The following TRIM44 variants were observed in gnomAD, a reference collection of about 807,000 sequenced individuals.
TRIM44 encodes tripartite motif-containing protein 44.
In TRIM44, 13 loss-of-function variants were observed where a neutral mutation model predicts 37.4. The observed-to-expected ratio is 0.35, with a 90% CI of 0.23 to 0.55. The LOEUF (loss-of-function observed/expected upper bound fraction) is 0.55, where lower values mean the gene tolerates loss of function less well. Among genes scored for constraint, TRIM44 ranks in the 20% least tolerant of loss-of-function variants. TRIM44 has a pLI of 0.89. For synonymous variants in TRIM44, 175 were observed against 157.2 expected (o/e 1.11, Z -0.85); for missense variants, 426 against 437.2 (o/e 0.97, Z 0.23).
At position 35,774,610 on chromosome 11, in the gene TRIM44, G is replaced by A. The variant is rs1052517196; in HGVS notation, c.1008-31748G>A. On this transcript the variant is annotated intron_variant, in intron 4 of 4. Coordinates refer to ENST00000299413, the MANE Select transcript of TRIM44 (RefSeq NM_017583.6). ...GGTTTTTTGGTTTTAGGTCTAACAT[G>A]TAAGTCTTTAATCCATCTTGAATTA... Among the ~76,000 whole-genome samples, 3 of 152,104 alleles carry A rather than the reference G, an allele frequency of 2.0e-5. No homozygotes were observed. In the East Asian group the frequency reaches 5.8e-4, roughly 29 times the overall value.
At chr11:35,664,083 C>T (rs1456805592) in intron 1 of TRIM44, among the ~76,000 whole-genome samples, 1 of 152,062 alleles carries the variant, frequency 6.6e-6, no homozygotes, top group African/African-American at 2.4e-5. Flanking sequence ...CCCACTTAGG[C>T]CAATTTCCAC....
At position 35,768,912 on chromosome 11, in the gene TRIM44, G is replaced by A. The variant is rs143652572; in HGVS notation, c.1007+33467G>A. ...CTGGCCTAAAGATGCATTTTGTTTG[G>A]CTAATAAAATGGTGGTGTTTTTTAA... On this transcript the variant is annotated intron_variant, in intron 4 of 4. Coordinates refer to ENST00000299413, the MANE Select transcript of TRIM44 (RefSeq NM_017583.6). Among the ~76,000 whole-genome samples the A allele has an allele frequency of 1.1e-3, 171 of 152,280 alleles. 2 individuals are homozygous for A. In the East Asian group the frequency reaches 0.029, roughly 26 times the overall value.
At chr11:35,678,675 C>T (rs1027792829) in intron 1 of TRIM44, among the ~76,000 whole-genome samples, 5 of 150,334 alleles carry the variant, frequency 3.3e-5, no homozygotes, top group African/African-American at 1.2e-4. Flanking sequence ...GGCAGTTGAT[C>T]TCCGCCCACT....
intron 4 of TRIM44, among the ~76,000 whole-genome samples, chr11:35,801,965 C>T (rs1853377297): frequency 6.6e-6 from 1 of 151,756 alleles, no homozygotes; most frequent in Non-Finnish European, 1.5e-5. Flanking sequence ...TAAATCGTTG[C>T]TAAGGGTGTG....
At chr11:35,681,137 G>A (rs1487568956) in intron 1 of TRIM44, among the ~76,000 whole-genome samples, 2 of 152,148 alleles carry the variant, frequency 1.3e-5, no homozygotes, top group African/African-American at 4.8e-5. Flanking sequence ...TGTCCATTGT[G>A]AAGGAGAATA....
At chr11:35,685,429 G>A in intron 2 of TRIM44, 93 bp downstream of exon 2, 1 of 1,020,468 alleles carries the variant, frequency 9.8e-7, no homozygotes. Flanking sequence ...TCATCTCTCT[G>A]AATATTGCAT....
At chr11:35,740,119 A>C (rs868057864) in intron 4 of TRIM44, among the ~76,000 whole-genome samples, 91 of 140,430 alleles carry the variant, frequency 6.5e-4, no homozygotes, top group South Asian at 1.4e-3. Context: ...AAAAAAAAAA[A>C]GGTACCTTTG....
chr11:35,725,242 T>C (rs1412181766), intron 2 of TRIM44, among the ~76,000 whole-genome samples: 2 of 152,186 alleles, frequency 1.3e-5, no homozygotes, highest in Admixed American at 1.3e-4. Context: ...CTTAATTATC[T>C]ATATACATAT....
At chr11:35,735,403 G>T (rs1270892065) in intron 3 of TRIM44, 23 bp from the exon 4 acceptor site, 1 of 1,613,328 alleles carries the variant, frequency 6.2e-7, no homozygotes, top group Admixed American at 1.7e-5. Context: ...TTCTAATACT[G>T]TTTCTTTCTG....
At chr11:35,691,549 A>G (rs1324769928) in intron 2 of TRIM44, among the ~76,000 whole-genome samples, 1 of 152,230 alleles carries the variant, frequency 6.6e-6, no homozygotes, top group African/African-American at 2.4e-5. Context: ...TGTGCAGGAC[A>G]CTTACATTAG....
intron 4 of TRIM44, among the ~76,000 whole-genome samples, chr11:35,738,599 A>G (rs771108186): frequency 6.6e-6 from 1 of 152,162 alleles, no homozygotes; most frequent in Non-Finnish European, 1.5e-5. Context: ...ATTTGGCTCA[A>G]TTTATTCTGA....
chr11:35,717,154 C>A (rs1852048199), intron 2 of TRIM44, among the ~76,000 whole-genome samples: 1 of 152,026 alleles, frequency 6.6e-6, no homozygotes. Context: ...TAGGAGCCAT[C>A]CTTATGGAGG....
chr11:35,775,177 TC>T (rs1852938882), intron 4 of TRIM44, among the ~76,000 whole-genome samples: 1 of 152,202 alleles, frequency 6.6e-6, no homozygotes, highest in African/African-American at 2.4e-5. Context: ...CTTGAAGAGG[TC>T]CCTCACATCC....
intron 4 of TRIM44, among the ~76,000 whole-genome samples, chr11:35,800,239 T>TA (rs977304906): frequency 1.3e-5 from 2 of 152,158 alleles, no homozygotes; most frequent in Non-Finnish European, 2.9e-5. Context: ...CGGCGAGTGT[T>TA]ACAGCTCTTA....
intron 4 of TRIM44, among the ~76,000 whole-genome samples, chr11:35,778,331 A>G (rs1415357531): frequency 6.6e-6 from 1 of 152,056 alleles, no homozygotes; most frequent in East Asian, 1.9e-4. Context: ...TGTTCTCTAC[A>G]CTATTTATTC....
chr11:35,806,419 C>T lies in TRIM44; in HGVS notation c.*34C>T, dbSNP rs1265192542. ...TACCCCCAGTGGAAAATCATCCCCT[C>T]CCCTTGTGTGTATGTGACAGCGTGT... On this transcript the variant is annotated 3_prime_UTR_variant, in exon 5 of 5. Transcript: ENST00000299413. 16 of 1,612,498 alleles carry T rather than the reference C, an allele frequency of 9.9e-6. No individual in the cohort carries two copies. The highest frequency in any genetic ancestry group is 1.3e-5 in the Non-Finnish European group (15 of 1,178,662).
chr11:35,788,802 A>G (rs1853162501), intron 4 of TRIM44, among the ~76,000 whole-genome samples: 7 of 152,220 alleles, frequency 4.6e-5, no homozygotes, highest in Admixed American at 3.9e-4. Flanking sequence ...TCTGAGCTGT[A>G]TCAGAAATCA....
intron 4 of TRIM44, among the ~76,000 whole-genome samples, chr11:35,770,238 G>A (rs1280323709): frequency 6.6e-6 from 1 of 152,166 alleles, no homozygotes; most frequent in African/African-American, 2.4e-5. Flanking sequence ...ACATGGTTTT[G>A]TTCTTTTTAT....
chr11:35,718,547 T>A (rs1199576546), intron 2 of TRIM44, among the ~76,000 whole-genome samples: 1 of 152,218 alleles, frequency 6.6e-6, no homozygotes, highest in Non-Finnish European at 1.5e-5. Flanking sequence ...ATAGTACATT[T>A]GTTTTCATTG....
Sources: allele counts gnomAD v4.1 joint callset (sites outside exome capture counted in the v4.1 genomes callset), GRCh38; gene constraint gnomAD v4.1.1; transcripts MANE v1.5; gene names NCBI Gene and HGNC (gene_info 2026-07-23, HGNC 2026-07-21).